The following SLC44A5 variants were observed in gnomAD, a reference collection of about 807,000 sequenced individuals.
SLC44A5 encodes choline transporter-like protein 5.
A neutral mutation model predicts 101.8 loss-of-function variants in SLC44A5; 57 were observed. The ratio of observed to expected loss-of-function variants is 0.56; its 90% CI spans 0.45 to 0.70. The LOEUF is 0.70. Ranked by LOEUF, SLC44A5 falls within the 30% of genes least tolerant of loss-of-function variation. The pLI is 0.00. For synonymous variants in SLC44A5, 281 were observed against 290.9 expected, an observed-to-expected ratio of 0.97 and a Z score of 0.35; for missense variants, 737 against 853.1, an observed-to-expected ratio of 0.86 and a Z score of 1.70.
chr1:75,319,236 C>T (rs114939251), intron 4 of SLC44A5, among the ~76,000 whole-genome samples: 2,887 of 152,234 alleles, frequency 0.019, 85 homozygotes, highest in Middle Eastern at 0.065. Context: ...TTCCCTACCC[C>T]CAATCCCTGG....
At chr1:75,662,804 G>C in the SLC44A5 span, among the ~76,000 whole-genome samples, 1 of 151,996 alleles carries the variant, frequency 6.6e-6, no homozygotes, top group African/African-American at 2.4e-5. Flanking sequence ...TATTCTTTCT[G>C]TGTACTTATT....
intron 1 of SLC44A5, among the ~76,000 whole-genome samples, chr1:75,603,719 C>T: frequency 8.8e-6 from 1 of 113,132 alleles, no homozygotes; most frequent in African/African-American, 3.5e-5. Flanking sequence ...ATTTGCCTTT[C>T]TCTGGTAATT....
At chr1:75,446,737 CTA>C (rs2101646633) in intron 2 of SLC44A5, among the ~76,000 whole-genome samples, 1 of 152,110 alleles carries the variant, frequency 6.6e-6, no homozygotes, top group Non-Finnish European at 1.5e-5. Flanking sequence ...GAAATCATGA[CTA>C]AATTCTCTCT....
In SLC44A5 at chr1:75,306,769, C is replaced by G. The variant is rs369968315; in HGVS notation, c.102-6084G>C. 1.8e-4 allele frequency among the ~76,000 whole-genome samples: 20 copies of G among 113,694 alleles called. 1 individual carries two copies. Among genetic ancestry groups the G allele is most frequent in the Admixed American group, 1.5e-3 (13 of 8,438 alleles). 74.6% of individuals were successfully genotyped at this position (113,694 alleles called of 152,430 possible). On this transcript the variant is annotated intron_variant, in intron 4 of 23. Transcript: ENST00000370859. Reference sequence around the variant, plus strand: ...TTTTTTTTTGAGACGGAGTCTTGCTCTGTGGCCCAGGCGGGAGTGCAGTGG... The same window carrying G: ...TTTTTTTTTGAGACGGAGTCTTGCTGTGTGGCCCAGGCGGGAGTGCAGTGG...
At chr1:75,667,611 C>T in the SLC44A5 span, among the ~76,000 whole-genome samples, 1 of 151,806 alleles carries the variant, frequency 6.6e-6, no homozygotes, top group Non-Finnish European at 1.5e-5. Context: ...AAAACAAAAA[C>T]AAAAACAAAA....
At chr1:75,317,985 G>C (rs1194683147) in intron 4 of SLC44A5, among the ~76,000 whole-genome samples, 1 of 152,128 alleles carries the variant, frequency 6.6e-6, no homozygotes, top group East Asian at 1.9e-4. Context: ...ATTTCTCCTA[G>C]TGTAGTCAGA....
intron 6 of SLC44A5, among the ~76,000 whole-genome samples, chr1:75,261,640 A>C (rs1368110829): frequency 1.3e-5 from 2 of 152,158 alleles, no homozygotes; most frequent in African/African-American, 2.4e-5. Flanking sequence ...AACAATAGAA[A>C]AAGAGGGAAT....
chr1:75,651,081 T>C, the SLC44A5 span, among the ~76,000 whole-genome samples: 1 of 152,220 alleles, frequency 6.6e-6, no homozygotes, highest in East Asian at 1.9e-4. Context: ...TTTAATTGGC[T>C]TAACTGCTCT....
At chr1:75,461,031 A>T in intron 2 of SLC44A5, among the ~76,000 whole-genome samples, 1 of 152,184 alleles carries the variant, frequency 6.6e-6, no homozygotes, top group East Asian at 1.9e-4. Context: ...TAGTGAAAAA[A>T]AAAATGGAAG....
chr1:75,454,014 A>G (rs1339168675), intron 2 of SLC44A5, among the ~76,000 whole-genome samples: 4 of 152,130 alleles, frequency 2.6e-5, no homozygotes, highest in African/African-American at 4.8e-5. Flanking sequence ...ATCCCATAAA[A>G]TTGAGGGAGA....
At chr1:75,394,958 C>A (rs921967558) in intron 3 of SLC44A5, among the ~76,000 whole-genome samples, 1 of 152,018 alleles carries the variant, frequency 6.6e-6, no homozygotes, top group African/African-American at 2.4e-5. Context: ...CATGACTCAG[C>A]AGAGTTATCC....
intron 1 of SLC44A5, among the ~76,000 whole-genome samples, chr1:75,563,792 G>A (rs1672646313): frequency 6.6e-6 from 1 of 152,042 alleles, no homozygotes; most frequent in African/African-American, 2.4e-5. Context: ...ATTATATATT[G>A]AGGCATTTGA....
At chr1:75,393,607 G>T (rs762626436) in intron 3 of SLC44A5, among the ~76,000 whole-genome samples, 3 of 152,136 alleles carry the variant, frequency 2.0e-5, no homozygotes, top group Non-Finnish European at 4.4e-5. Flanking sequence ...CTATAAATTA[G>T]ATAAAATGTG....
chr1:75,329,105 G>A (rs569852572), intron 4 of SLC44A5, among the ~76,000 whole-genome samples: 4 of 152,222 alleles, frequency 2.6e-5, no homozygotes, highest in African/African-American at 7.2e-5. Context: ...AACAACCTTC[G>A]CATGTACCCT....
chr1:75,276,995 G>A (rs1397480603), intron 5 of SLC44A5, among the ~76,000 whole-genome samples: 4 of 152,140 alleles, frequency 2.6e-5, no homozygotes, highest in Non-Finnish European at 5.9e-5. Flanking sequence ...CGCAGCATCT[G>A]CTATTGTTTT....
At chr1:75,214,519 C>T (rs1646922796) in intron 20 of SLC44A5, 86 bp downstream of exon 20, 19 of 1,001,536 alleles carry the variant, frequency 1.9e-5, no homozygotes, top group Non-Finnish European at 2.7e-5. Flanking sequence ...ATAATGCCAC[C>T]AACACTTTAA....
intron 4 of SLC44A5, among the ~76,000 whole-genome samples, chr1:75,305,353 T>C (rs904942832): frequency 6.6e-6 from 1 of 152,196 alleles, no homozygotes; most frequent in Non-Finnish European, 1.5e-5. Flanking sequence ...GTCTCTTAAT[T>C]GGGATTTTGC....
At chr1:75,508,285 C>A (rs569472557) in intron 2 of SLC44A5, among the ~76,000 whole-genome samples, 110 of 151,996 alleles carry the variant, frequency 7.2e-4, no homozygotes, top group Non-Finnish European at 1.1e-3. Flanking sequence ...GCAGAAACAA[C>A]AAAAATTCTT....
intron 2 of SLC44A5, among the ~76,000 whole-genome samples, chr1:75,419,271 A>G (rs1378841311): frequency 6.6e-6 from 1 of 152,130 alleles, no homozygotes; most frequent in African/African-American, 2.4e-5. Flanking sequence ...ATCAAACCCC[A>G]GGCAGGATAA....
Sources: gnomAD v4.1 joint callset for allele counts (sites outside exome capture counted in the v4.1 genomes callset) on GRCh38, gnomAD v4.1.1 for gene constraint, MANE v1.5 for transcripts, NCBI Gene and HGNC (gene_info 2026-07-23, HGNC 2026-07-21) for gene names.